The following IP6K1 variants were observed in gnomAD, a reference collection of about 807,000 sequenced individuals.
IP6K1 encodes ATP:1D-myo-inositol-hexakisphosphate phosphotransferase.
IP6K1 carries 13 observed loss-of-function variants against 38.3 expected under a neutral mutation model. The ratio of observed to expected loss-of-function variants is 0.34; its 90% CI spans 0.22 to 0.54. IP6K1 has a LOEUF of 0.54. Among genes scored for constraint, IP6K1 ranks in the 20% least tolerant of loss-of-function variants. The probability of loss-of-function intolerance (pLI) is 0.92; values close to 1 mark genes in which losing one functional copy is unlikely to be tolerated. For missense variants in IP6K1, 397 were observed against 599.8 expected (o/e 0.66, Z 3.53); for synonymous variants, 212 against 229.9 (o/e 0.92, Z 0.70).
intron 1 of IP6K1, among the ~76,000 whole-genome samples, chr3:49,774,553 G>A (rs974273767): frequency 5.9e-5 from 9 of 151,858 alleles, no homozygotes; most frequent in African/African-American, 2.2e-4. Flanking sequence ...CTGAAAGTCA[G>A]TATGGCCCAA....
rs1393752534 is a variant in IP6K1 at position 49,725,162 on chromosome 3, TGTAA to T, written c.*1956_*1959del. 1 of 152,596 alleles carries T rather than the reference TGTAA, an allele frequency of 6.6e-6. No homozygotes were observed. Among genetic ancestry groups the T allele is most frequent in the East Asian group, 1.9e-4 (1 of 5,194 alleles). The allele number at this position is 152,596 out of a possible 1,614,324, so 9.5% of individuals were successfully genotyped here. On this transcript the variant is annotated 3_prime_UTR_variant, in exon 6 of 6. Transcript: ENST00000321599. ...TTTGTAGTGCCAGGAAAATACTGAA[TGTAA>T]GTGGGTGCAGCTTTGCTCGCTGTGA...
In IP6K1 at chr3:49,778,901, G is replaced by A. The variant is rs185625667; in HGVS notation, c.-129+7453C>T. On this transcript the variant is annotated intron_variant, in intron 1 of 5. Transcript: ENST00000321599. ...TCAGCCTCCAAAGTGCTAGGATTAC[G>A]GGGATGAGCCACCATGTCCAGCCAA... 1.3e-3 allele frequency among the ~76,000 whole-genome samples: 195 copies of A among 152,158 alleles called. 1 individual carries two copies. The highest frequency in any genetic ancestry group is 4.2e-3 in the African/African-American group (174 of 41,500).
At chr3:49,776,416 C>A (rs2081009022) in intron 1 of IP6K1, among the ~76,000 whole-genome samples, 1 of 151,812 alleles carries the variant, frequency 6.6e-6, no homozygotes, top group African/African-American at 2.4e-5. Flanking sequence ...ATTCGCGAGG[C>A]TGAGGCAGGA....
At chr3:49,742,374 CCT>C (rs1353323953) in intron 2 of IP6K1, among the ~76,000 whole-genome samples, 1 of 151,822 alleles carries the variant, frequency 6.6e-6, no homozygotes, top group African/African-American at 2.4e-5. Context: ...ACGGTGAAAC[CCT>C]GTCTCTACTA....
chr3:49,727,186 C>T lies in IP6K1; in HGVS notation c.1262G>A (p.Gly421Asp). 1.9e-6 allele frequency: 3 copies of T among 1,614,140 alleles called. No homozygotes were observed. The highest frequency in any genetic ancestry group is 1.7e-6 in the Non-Finnish European group (2 of 1,180,020). Residue 421 changes from glycine (G) to aspartate (D), a missense_variant, in exon 6 of 6, where the codon GGC becomes GAC. Physicochemically the swap from Gly to Asp is moderately conservative, Grantham distance 94. This residue lies in a region of IP6K1 where 164 missense variants were observed against 213.5 expected (regional missense o/e 0.77). Coordinates refer to ENST00000321599, the MANE Select transcript of IP6K1 (RefSeq NM_153273.4). The surrounding 1 kb of genome is among the most constrained non-coding windows in gnomAD (Gnocchi z 5.9). ...GAGGTTCTCCAGGCCAAACACGTAG[C>T]CTCTGTCTGGCCCATCATGCACGGT... The part of the protein sequence containing the change: ...DPTVHDGPDR[G>D]YVFGLENLIS...
intron 1 of IP6K1, among the ~76,000 whole-genome samples, chr3:49,763,039 C>A (rs1399694187): frequency 6.6e-6 from 1 of 152,014 alleles, no homozygotes; most frequent in Admixed American, 6.6e-5. Flanking sequence ...ATCCACCTGC[C>A]TCAGCCTCTC....
chr3:49,749,019 AG>A (rs1411004618), intron 1 of IP6K1: 1 of 152,202 alleles, frequency 6.6e-6, no homozygotes, highest in Non-Finnish European at 1.5e-5. Flanking sequence ...AGTTCACAAT[AG>A]GGTTCATGCT....
intron 2 of IP6K1, among the ~76,000 whole-genome samples, chr3:49,741,351 T>C (rs1224732113): frequency 3.9e-5 from 6 of 152,186 alleles, no homozygotes; most frequent in African/African-American, 1.4e-4. Context: ...ATAGCCATAC[T>C]AGGTAAAATA....
chr3:49,769,534 C>A (rs2080940348), intron 1 of IP6K1, among the ~76,000 whole-genome samples: 1 of 152,112 alleles, frequency 6.6e-6, no homozygotes, highest in Non-Finnish European at 1.5e-5. Flanking sequence ...ACAAAAGTAC[C>A]AAAGCAAACC....
chr3:49,747,423 A>C (rs2080730303), intron 2 of IP6K1, among the ~76,000 whole-genome samples: 1 of 152,182 alleles, frequency 6.6e-6, no homozygotes, highest in Non-Finnish European at 1.5e-5. Flanking sequence ...CAGCACATAT[A>C]GACACAGGAT....
At chr3:49,763,759 T>TA (rs1350653567) in intron 1 of IP6K1, among the ~76,000 whole-genome samples, 1 of 152,182 alleles carries the variant, frequency 6.6e-6, no homozygotes, top group Non-Finnish European at 1.5e-5. Flanking sequence ...CTCACGCCTG[T>TA]AATCCTAACA....
chr3:49,742,412 G>A (rs2080677147), intron 2 of IP6K1, among the ~76,000 whole-genome samples: 1 of 152,116 alleles, frequency 6.6e-6, no homozygotes, highest in African/African-American at 2.4e-5. Flanking sequence ...AGCCGGGCGT[G>A]GTGGTACACG....
intron 2 of IP6K1, among the ~76,000 whole-genome samples, chr3:49,745,748 G>GGGTGGCT (rs141072066): frequency 1.3e-5 from 2 of 151,184 alleles, no homozygotes; most frequent in East Asian, 3.9e-4. Context: ...CCAGCTACTT[G>GGGTGGCT]GGAGGCTGAG....
intron 4 of IP6K1, among the ~76,000 whole-genome samples, chr3:49,732,330 GA>G (rs1231204581): frequency 6.6e-6 from 1 of 152,132 alleles, no homozygotes; most frequent in Non-Finnish European, 1.5e-5. Context: ...CTTGGGAGGG[GA>G]AAACTACACA....
intron 4 of IP6K1, among the ~76,000 whole-genome samples, 193 bp downstream of exon 4, chr3:49,732,598 C>G (rs555490200): frequency 2.0e-5 from 3 of 152,276 alleles, no homozygotes; most frequent in Non-Finnish European, 2.9e-5. Context: ...TTTTAAGCTT[C>G]GGCCTTACCA....
chr3:49,766,033 A>G (rs1410988933), intron 1 of IP6K1, among the ~76,000 whole-genome samples: 1 of 151,714 alleles, frequency 6.6e-6, no homozygotes. Flanking sequence ...AAAATTAGCC[A>G]GGTGTGGTGG....
At chr3:49,747,569 T>A (rs1280392774) in intron 2 of IP6K1, among the ~76,000 whole-genome samples, 1 of 152,226 alleles carries the variant, frequency 6.6e-6, no homozygotes, top group Non-Finnish European at 1.5e-5. Context: ...GACAACAGCA[T>A]GCTCTTTTCC....
At chr3:49,777,625 T>C (rs1216622444) in intron 1 of IP6K1, among the ~76,000 whole-genome samples, 1 of 146,816 alleles carries the variant, frequency 6.8e-6, no homozygotes, top group Non-Finnish European at 1.5e-5. Flanking sequence ...TTAAAAACAA[T>C]GATAAAGGGC....
At chr3:49,774,572 T>C (rs1435312390) in intron 1 of IP6K1, among the ~76,000 whole-genome samples, 4 of 152,130 alleles carry the variant, frequency 2.6e-5, no homozygotes, top group Admixed American at 2.6e-4. Flanking sequence ...AAGAAGTTAA[T>C]GGTAAAACAA....
Sources: gnomAD v4.1 joint callset for allele counts (sites outside exome capture counted in the v4.1 genomes callset) on GRCh38, gnomAD v4.1.1 for gene constraint, gnomAD v4.1.1 regional missense constraint, Gnocchi (gnomAD v3.1) non-coding constraint, MANE v1.5 for transcripts, NCBI Gene and HGNC (gene_info 2026-07-23, HGNC 2026-07-21) for gene names.